Variants in PKM observed in about 807,000 individuals in gnomAD.
The protein encoded by PKM is pyruvate kinase M1/2.
PKM carries 18 observed loss-of-function variants against 49.8 expected under a neutral mutation model. The observed-to-expected ratio is 0.36, with a 90% CI of 0.25 to 0.54. The LOEUF (loss-of-function observed/expected upper bound fraction) is 0.54. PKM is among the 20% of genes least tolerant of loss of function. PKM has a pLI of 0.89. For missense variants in PKM, 508 were observed against 713.8 expected (o/e 0.71, Z 3.28); for synonymous variants, 239 against 261.8 (o/e 0.91, Z 0.84).
intron 1 of PKM, among the ~76,000 whole-genome samples, chr15:72,227,775 C>CAAAAAAAA (rs1394942000): frequency 6.9e-5 from 3 of 43,552 alleles, no homozygotes; most frequent in Admixed American, 3.4e-4. Flanking sequence ...AAAAAAAAAA[C>CAAAAAAAA]AAAAAACTGA....
At chr15:72,229,634 C>G (rs763279678) in intron 1 of PKM, 5 of 1,261,404 alleles carry the variant, frequency 4.0e-6, no homozygotes, top group Non-Finnish European at 5.2e-6. Context: ...TGAGACCTTA[C>G]GAGGCTTCCT....
At chr15:72,216,563 C>T (rs1298298520) in intron 3 of PKM, among the ~76,000 whole-genome samples, 2 of 152,152 alleles carry the variant, frequency 1.3e-5, no homozygotes, top group Non-Finnish European at 2.9e-5. Context: ...GTCAAGGATC[C>T]AGTTAGCCAT....
rs112761283 is a variant in PKM at position 72,200,132 on chromosome 15, T to TA, written c.1489+341dup. ...CACAGGAGCTGTGGCCAATTTTATT[T>TA]AAAAAAAAAACAAAAAACAAAAAAA... On this transcript the variant is annotated intron_variant, in intron 10 of 10. Coordinates refer to ENST00000335181, the MANE Select transcript of PKM (RefSeq NM_002654.6). The surrounding 1 kb of genome is among the most constrained non-coding windows in gnomAD (Gnocchi z 4.6). Among the ~76,000 whole-genome samples, 3,252 of 146,048 alleles carry TA rather than the reference T, an allele frequency of 0.022. 60 individuals carry two copies. Among genetic ancestry groups the TA allele is most frequent in the African/African-American group, 0.038 (1,509 of 39,692 alleles).
chr15:72,200,419 A>G lies in PKM; in HGVS notation c.1489+55T>C. 6.4e-7 allele frequency: 1 copy of G among 1,564,754 alleles called. No homozygotes were observed. Among genetic ancestry groups the G allele is most frequent in the Non-Finnish European group, 8.8e-7 (1 of 1,137,864 alleles). On this transcript the variant is annotated intron_variant, in intron 10 of 10. Coordinates refer to ENST00000335181, the MANE Select transcript of PKM (RefSeq NM_002654.6). The surrounding 1 kb of genome is among the most constrained non-coding windows in gnomAD (Gnocchi z 4.6). ...AACTTTCGGGGTCCCACAGAAGCCA[A>G]TGCTCAAGCATCCCCAAGCTCCTCT...
chr15:72,208,034 G>C (rs1334861343), intron 6 of PKM, among the ~76,000 whole-genome samples: 2 of 152,236 alleles, frequency 1.3e-5, no homozygotes, highest in African/African-American at 4.8e-5. Context: ...TGGGGAGGGG[G>C]TAAGCTAAGT....
chr15:72,211,811 GAA>G (rs575356129), intron 3 of PKM, among the ~76,000 whole-genome samples: 133 of 91,796 alleles, frequency 1.4e-3, no homozygotes, highest in African/African-American at 4.4e-3. Context: ...CCTATCTCAA[GAA>G]AAAAAAAAAA....
At chr15:72,211,650 CT>C (rs1369170575) in intron 3 of PKM, among the ~76,000 whole-genome samples, 1 of 151,826 alleles carries the variant, frequency 6.6e-6, no homozygotes, top group Non-Finnish European at 1.5e-5. Flanking sequence ...AACCTCGTCT[CT>C]ACAAAAAACA....
In PKM at chr15:72,199,436, G is replaced by C. The variant is rs1452098301; in HGVS notation, c.*214C>G. 1 of 694,518 alleles carries C rather than the reference G, an allele frequency of 1.4e-6. No individual in the cohort carries two copies. The highest frequency in any genetic ancestry group is 1.8e-5 in the African/African-American group (1 of 57,014). 43.0% of individuals were successfully genotyped at this position (694,518 alleles called of 1,614,324 possible). On this transcript the variant is annotated 3_prime_UTR_variant, in exon 11 of 11. Transcript: ENST00000335181. ...CCTCCTTCTTCCCTTGATTGGGTGG[G>C]GCCACATGATGGGCAGCCAGGCTCT...
In PKM at chr15:72,199,581, T is replaced by C. The variant is rs750409915; in HGVS notation, c.*69A>G. ...CAGCCCAGAGTGAGTTCTACAAGCG[T>C]TGCTGGCCTAATGGATGGGCTGGGG... is the stretch of plus-strand genomic sequence containing the variant. On this transcript the variant is annotated 3_prime_UTR_variant, in exon 11 of 11. Coordinates refer to ENST00000335181, the MANE Select transcript of PKM (RefSeq NM_002654.6). 1.6e-4 allele frequency: 175 copies of C among 1,094,364 alleles called. No homozygotes were observed. Among genetic ancestry groups the C allele is most frequent in the Non-Finnish European group, 6.6e-5 (47 of 713,102 alleles). The allele number at this position is 1,094,364 out of a possible 1,614,324, so 67.8% of individuals were successfully genotyped here.
At chr15:72,220,129 TGAA>T (rs2082484734) in intron 1 of PKM, among the ~76,000 whole-genome samples, 1 of 152,224 alleles carries the variant, frequency 6.6e-6, no homozygotes, top group East Asian at 1.9e-4. Context: ...AGGCAGTGTT[TGAA>T]GAACTATCAG....
chr15:72,215,686 G>A (rs576602635), intron 3 of PKM, among the ~76,000 whole-genome samples: 20 of 152,304 alleles, frequency 1.3e-4, no homozygotes, highest in Admixed American at 7.8e-4. Context: ...GCTATGTGGT[G>A]TTATTTTACT....
intron 1 of PKM, 94 bp from the exon 2 acceptor site, chr15:72,219,204 T>A: frequency 8.7e-7 from 1 of 1,151,508 alleles, no homozygotes; most frequent in Non-Finnish European, 1.3e-6. Context: ...ACACATTAAC[T>A]CAATAAGCAC....
intron 8 of PKM, among the ~76,000 whole-genome samples, chr15:72,205,119 T>A (rs1015553307): frequency 3.3e-5 from 5 of 151,846 alleles, no homozygotes; most frequent in African/African-American, 1.2e-4. Flanking sequence ...TTTTTTTTTT[T>A]ATGTTTGTTT....
chr15:72,219,263 GTGCTCC>G (rs2082460214), intron 1 of PKM, 153 bp from the exon 2 acceptor site: 3 of 663,538 alleles, frequency 4.5e-6, no homozygotes, highest in Non-Finnish European at 7.7e-6. Flanking sequence ...GGTTATGTGG[GTGCTCC>G]TCATGTTAGA....
intron 3 of PKM, among the ~76,000 whole-genome samples, chr15:72,211,587 G>A (rs894940883): frequency 3.3e-5 from 5 of 152,064 alleles, no homozygotes; most frequent in Admixed American, 6.6e-5. Flanking sequence ...GGAGGCTAAG[G>A]TGGGAGGACA....
In PKM at chr15:72,200,695, C is replaced by G. The variant is rs757911122; in HGVS notation, c.1308-40G>C. ...GGGACATACAGAAGAGACCATTACA[C>G]GAGGCCCCAGGAAGTACCCTCAGGG... is the stretch of plus-strand genomic sequence containing the variant. On this transcript the variant is annotated intron_variant, in intron 9 of 10. Coordinates refer to ENST00000335181, the MANE Select transcript of PKM (RefSeq NM_002654.6). The surrounding 1 kb of genome is among the most constrained non-coding windows in gnomAD (Gnocchi z 4.6). The G allele has an allele frequency of 1.3e-6, 2 of 1,569,122 alleles. No homozygotes were observed. The highest frequency in any genetic ancestry group is 1.4e-5 in the African/African-American group (1 of 74,030).
At chr15:72,203,112 G>C in intron 8 of PKM, 1 of 1,614,122 alleles carries the variant, frequency 6.2e-7, no homozygotes, top group Non-Finnish European at 8.5e-7. Context: ...CATGAGGTCT[G>C]TGGAGTGACT....
Position 72,206,854 on chromosome 15 carries a change from G to C in PKM, c.1014C>G (p.Pro338=). 1.2e-6 allele frequency: 2 copies of C among 1,614,168 alleles called. No individual in the cohort carries two copies. Among genetic ancestry groups the C allele is most frequent in the Non-Finnish European group, 1.7e-6 (2 of 1,180,034 alleles). The part of the protein sequence containing the change: ...TQMLESMIKK[P]RPTRAEGSDV... ...CACTGCCTTCAGCCCGAGTGGGGCG[G>C]GGCTTCTTGATCATGCTCTCCAGCA... The change falls in exon 8 of 11, where the codon CCC becomes CCG. Residue 338 remains proline, a synonymous_variant. Coordinates refer to ENST00000335181, the MANE Select transcript of PKM (RefSeq NM_002654.6).
At position 72,200,136 on chromosome 15, in the gene PKM, A is replaced by AAAAAAAC. The variant is rs1555437496; in HGVS notation, c.1489+331_1489+337dup. Among the ~76,000 whole-genome samples, 2 of 152,084 alleles carry AAAAAAAC rather than the reference A, an allele frequency of 1.3e-5. No homozygotes were observed. The highest frequency in any genetic ancestry group is 2.9e-5 in the Non-Finnish European group (2 of 68,036). On this transcript the variant is annotated intron_variant, in intron 10 of 10. Coordinates refer to ENST00000335181, the MANE Select transcript of PKM (RefSeq NM_002654.6). This position sits in a 1 kb window ranked among gnomAD's most constrained non-coding sequence, Gnocchi z 4.6. The stretch of plus-strand genomic sequence containing the variant: ...GGAGCTGTGGCCAATTTTATTTAAA[A>AAAAAAAC]AAAAAACAAAAAACAAAAAAAACTC...
Sources: allele counts gnomAD v4.1 joint callset (sites outside exome capture counted in the v4.1 genomes callset), GRCh38; gene constraint gnomAD v4.1.1; non-coding constraint Gnocchi (gnomAD v3.1); transcripts MANE v1.5; gene names NCBI Gene and HGNC (gene_info 2026-07-23, HGNC 2026-07-21).